CHADL: variants seen among roughly 807,000 people sequenced by gnomAD.
CHADL encodes chondroadherin-like protein.
CHADL carries 48 observed loss-of-function variants against 52.1 expected under a neutral mutation model. The ratio of observed to expected loss-of-function variants is 0.92; its 90% CI spans 0.73 to 1.17. CHADL has a LOEUF of 1.17. CHADL is among the 50% of genes most tolerant of loss of function. CHADL has a pLI of 0.00. For synonymous variants in CHADL, 498 were observed against 511.2 expected (o/e 0.97, Z 0.35); for missense variants, 977 against 1,035.1 (o/e 0.94, Z 0.77).
rs916197961 is a variant in CHADL, at chr22:41,232,520, G to A, written c.2262+2625C>T. Among the ~76,000 whole-genome samples the A allele has an allele frequency of 1.3e-5, 2 of 152,176 alleles. 1 individual carries two copies. Among genetic ancestry groups the A allele is most frequent in the South Asian group, 4.2e-4 (2 of 4,814 alleles). ...GTCCATCCTGGTGCCTTCAGCAGGC[G>A]AGCATCTCCAGCCGGGAACAATGCC... On this transcript the variant is annotated intron_variant, in intron 5 of 5. Coordinates refer to ENST00000216241, the MANE Select transcript of CHADL (RefSeq NM_138481.2).
In CHADL at chr22:41,238,081, G is replaced by A; in HGVS notation, c.991C>T (p.Arg331Cys). The change falls in exon 3 of 6, where the codon CGC becomes TGC. Residue 331 changes from arginine to cysteine, a missense_variant. Coordinates refer to ENST00000216241, the MANE Select transcript of CHADL (RefSeq NM_138481.2). This position sits in a 1 kb window ranked among gnomAD's most constrained non-coding sequence, Gnocchi z 4.9. ...LLEWLARARV[R>C]SDGACQGPRR... is the part of the protein sequence containing the mutation. ...GGCCCCTGGCACGCGCCGTCCGAGC[G>A]CACGCGCGCCCGCGCCAGCCACTCG... 2 of 1,285,504 alleles carry A rather than the reference G, an allele frequency of 1.6e-6. No individual in the cohort carries two copies. The allele number at this position is 1,285,504 out of a possible 1,614,324, so 79.6% of individuals were successfully genotyped here.
intron 5 of CHADL, chr22:41,230,659 C>T (rs139480): frequency 0.73 from 135,246 of 185,774 alleles, 50,509 homozygotes; most frequent in African/African-American, 0.91. Flanking sequence ...CCTGAACGAG[C>T]CATGTAAATT....
chr22:41,231,552 G>A (rs1330925296), intron 5 of CHADL, among the ~76,000 whole-genome samples: 1 of 152,300 alleles, frequency 6.6e-6, no homozygotes, highest in Non-Finnish European at 1.5e-5. Context: ...GCTTGTGTGT[G>A]TGAAATGGGA....
rs2032780117 is a variant in CHADL, at chr22:41,237,998, A to T, written c.1074T>A (p.Pro358=). ...DALRPWDLRC[P]GDAAQEEEEL... is the part of the protein sequence containing the mutation. The stretch of plus-strand genomic sequence containing the variant: ...CTTCCTCTTCCTGCGCCGCGTCCCC[A>T]GGGCAGCGCAGGTCCCAGGGCCGCA... Residue 358 remains proline, a synonymous_variant, in exon 3 of 6, where the codon CCT becomes CCA. Transcript: ENST00000216241. 7.9e-7 allele frequency: 1 copy of T among 1,272,396 alleles called. No homozygotes were observed. Among genetic ancestry groups the T allele is most frequent in the Non-Finnish European group, 9.8e-7 (1 of 1,016,130 alleles). 78.8% of individuals were successfully genotyped at this position (1,272,396 alleles called of 1,614,324 possible). A position where few individuals can be genotyped will look rare whatever the true frequency, so the allele number is the denominator to read the frequency against.
In CHADL at chr22:41,239,526, G is replaced by A. The variant is rs1224737333; in HGVS notation, c.103C>T (p.Gln35Ter). The change falls in exon 2 of 6, where the codon CAG becomes TAG. Residue 35 changes from glutamine to a stop codon, truncating the protein, a stop_gained. Transcript: ENST00000216241. LOFTEE classifies it high-confidence loss of function. ...CTGGAGTTGTCACAGATGCAGGCCT[G>A]TGGGCAGCGCTGGGCGGCGGCCTGC... ...ARQAAAQRCPQACICDNSRRH... is the reference protein window; with the variant it reads ...ARQAAAQRCP The A allele has an allele frequency of 2.6e-6, 4 of 1,550,280 alleles. No homozygotes were observed. The highest frequency in any genetic ancestry group is 3.5e-6 in the Non-Finnish European group (4 of 1,146,780).
In CHADL at chr22:41,237,817, C is replaced by A. The variant is rs1359880904; in HGVS notation, c.1255G>T (p.Val419Leu). 6.7e-7 allele frequency: 1 copy of A among 1,486,276 alleles called. No individual in the cohort carries two copies. Among genetic ancestry groups the A allele is most frequent in the African/African-American group, 1.4e-5 (1 of 70,836 alleles). 92.1% of individuals were successfully genotyped at this position (1,486,276 alleles called of 1,614,324 possible). The change falls in exon 3 of 6, where the codon GTG (valine) becomes TTG (leucine). Residue 419 changes from valine to leucine, a missense_variant. Physicochemically the swap from Val to Leu is conservative, Grantham distance 32 (BLOSUM62 1). Coordinates refer to ENST00000216241, the MANE Select transcript of CHADL (RefSeq NM_138481.2). ...SSCEGCGLQA[V>L]PRGFPSDTQL... Reference sequence around the variant, plus strand: ...GTGTCGCTGGGGAAGCCGCGGGGCACCGCCTGCAGGCCGCAGCCCTCGCAG... The same window carrying A: ...GTGTCGCTGGGGAAGCCGCGGGGCAACGCCTGCAGGCCGCAGCCCTCGCAG...
intron 1 of CHADL, 98 bp from the exon 2 acceptor site, chr22:41,239,718 C>T: frequency 9.1e-7 from 1 of 1,097,716 alleles, no homozygotes; most frequent in Non-Finnish European, 1.3e-6. Context: ...CCCCAAAAAC[C>T]CCTCAGAGCC....
In CHADL at chr22:41,231,815, CCCTTCAGGAACCTGCCCTG is replaced by C. The variant is rs374917654; in HGVS notation, c.2263-2104_2263-2086del. Reference sequence around the variant, plus strand: ...TGGTACAGGTGAGACCAAATCCAGACCCTTCAGGAACCTGCCCTGCCTCCCTTGTCCTTTATGGCCATCC... The same window carrying C: ...TGGTACAGGTGAGACCAAATCCAGACCCTCCCTTGTCCTTTATGGCCATCC... On this transcript the variant is annotated intron_variant, in intron 5 of 5. Transcript: ENST00000216241. Among the ~76,000 whole-genome samples, 466 of 152,246 alleles carry C rather than the reference CCCTTCAGGAACCTGCCCTG, an allele frequency of 3.1e-3. 3 individuals carry two copies. The highest frequency in any genetic ancestry group is 0.011 in the African/African-American group (451 of 41,536).
intron 1 of CHADL, among the ~76,000 whole-genome samples, 170 bp from the exon 2 acceptor site, chr22:41,239,790 G>A (rs577121002): frequency 1.3e-4 from 20 of 152,138 alleles, no homozygotes; most frequent in Non-Finnish European, 2.2e-4. Flanking sequence ...CACCCCCCAC[G>A]CAGTGGAGGT....
chr22:41,239,525 T>C lies in CHADL; in HGVS notation c.104A>G (p.Gln35Arg), dbSNP rs1328587937. The C allele has an allele frequency of 4.4e-5, 68 of 1,549,974 alleles. No homozygotes were observed. The highest frequency in any genetic ancestry group is 5.6e-5 in the Non-Finnish European group (64 of 1,146,720). The change falls in exon 2 of 6, where the codon CAG (glutamine) becomes CGG (arginine). Residue 35 changes from glutamine to arginine, a missense_variant. Transcript: ENST00000216241. ...CCTGGAGTTGTCACAGATGCAGGCC[T>C]GTGGGCAGCGCTGGGCGGCGGCCTG... is the stretch of plus-strand genomic sequence containing the variant. ...ARQAAAQRCP[Q>R]ACICDNSRRH...
intron 5 of CHADL, among the ~76,000 whole-genome samples, chr22:41,234,206 C>T (rs2032691139): frequency 6.6e-6 from 1 of 152,088 alleles, no homozygotes. Context: ...AATATAGAAA[C>T]AGCAGGACCG....
chr22:41,230,174 G>A (rs377610001), intron 5 of CHADL: 10 of 1,514,268 alleles, frequency 6.6e-6, no homozygotes, highest in Middle Eastern at 1.8e-4. Flanking sequence ...GCATCTAGAC[G>A]TGGCCTCGCC....
At chr22:41,230,567 C>A (rs2032532377) in intron 5 of CHADL, 5 of 369,440 alleles carry the variant, frequency 1.4e-5, no homozygotes, top group South Asian at 6.1e-5. Flanking sequence ...ATGGCCTCCC[C>A]CCGACCCGCC....
chr22:41,236,701 C>CA, intron 3 of CHADL, 51 bp from the exon 4 acceptor site: 1 of 1,485,616 alleles, frequency 6.7e-7, no homozygotes, highest in African/African-American at 1.4e-5. Context: ...AGCTGTCCCA[C>CA]CCCCAAGTCT....
At position 41,238,109 on chromosome 22, in the gene CHADL, T is replaced by A. The variant is rs1268242472; in HGVS notation, c.963A>T (p.Leu321=). ...PLWCGCQARP[L]LEWLARARVR... ...CGCGCGCCCGCGCCAGCCACTCGAG[T>A]AGGGGCCGCGCCTGGCAGCCGCACC... Residue 321 remains leucine (L), a synonymous_variant, in exon 3 of 6, where the codon CTA becomes CTT. Transcript: ENST00000216241. The surrounding 1 kb of genome is among the most constrained non-coding windows in gnomAD (Gnocchi z 4.9). The A allele has an allele frequency of 8.3e-6, 11 of 1,322,770 alleles. No individual in the cohort carries two copies. 81.9% of individuals were successfully genotyped at this position (1,322,770 alleles called of 1,614,324 possible).
chr22:41,232,172 A>C (rs1483199075), intron 5 of CHADL, among the ~76,000 whole-genome samples: 2 of 151,862 alleles, frequency 1.3e-5, no homozygotes, highest in African/African-American at 2.4e-5. Flanking sequence ...CTCTACTAAA[A>C]ATACAAAAAA....
At chr22:41,235,435 G>A in intron 4 of CHADL, 92 bp from the exon 5 acceptor site, 1 of 965,152 alleles carries the variant, frequency 1.0e-6, no homozygotes, top group South Asian at 1.5e-5. Context: ...CAGGGTTGGT[G>A]CAGAAGGCAG....
At chr22:41,232,146 C>A (rs1282253848) in intron 5 of CHADL, among the ~76,000 whole-genome samples, 1 of 151,826 alleles carries the variant, frequency 6.6e-6, no homozygotes, top group Non-Finnish European at 1.5e-5. Context: ...TCCTGGCTAA[C>A]ACGATGAAAC....
chr22:41,232,162 C>T (rs2032618915), intron 5 of CHADL, among the ~76,000 whole-genome samples: 3 of 151,786 alleles, frequency 2.0e-5, no homozygotes, highest in Admixed American at 2.0e-4. Flanking sequence ...GAAACCCTGT[C>T]TCTACTAAAA....
Sources: gnomAD v4.1 joint callset for allele counts (sites outside exome capture counted in the v4.1 genomes callset) on GRCh38, gnomAD v4.1.1 for gene constraint, Gnocchi (gnomAD v3.1) non-coding constraint, MANE v1.5 for transcripts, NCBI Gene and HGNC (gene_info 2026-07-23, HGNC 2026-07-21) for gene names.